TRIM44: variants seen among roughly 807,000 people sequenced by gnomAD.
TRIM44 encodes the protein tripartite motif containing 44, also known as tripartite motif-containing protein 44.
In TRIM44, 13 loss-of-function variants were observed where a neutral mutation model predicts 37.4. That is an observed-to-expected ratio of 0.35 (90% CI 0.23 to 0.55). The LOEUF (loss-of-function observed/expected upper bound fraction) is 0.55, where lower values mean the gene tolerates loss of function less well. TRIM44 is among the 20% of genes least tolerant of loss of function. The pLI is 0.89. For missense variants in TRIM44, 426 were observed against 437.2 expected, an observed-to-expected ratio of 0.97 and a Z score of 0.23; for synonymous variants, 175 against 157.2, an observed-to-expected ratio of 1.11 and a Z score of -0.85.
At chr11:35,757,191 G>A (rs572798089) in intron 4 of TRIM44, among the ~76,000 whole-genome samples, 2 of 152,314 alleles carry the variant, frequency 1.3e-5, no homozygotes, top group East Asian at 3.9e-4. Flanking sequence ...CTTGTTATTG[G>A]TCTATTCAGA....
At chr11:35,788,251 G>A (rs1853155158) in intron 4 of TRIM44, among the ~76,000 whole-genome samples, 1 of 152,154 alleles carries the variant, frequency 6.6e-6, no homozygotes, top group African/African-American at 2.4e-5. Flanking sequence ...GAAAGAGAAA[G>A]GATATGGCTA....
chr11:35,687,627 T>A lies in TRIM44; in HGVS notation c.747+2291T>A, dbSNP rs534313679. Among the ~76,000 whole-genome samples the A allele has an allele frequency of 7.2e-5, 11 of 152,344 alleles. No individual in the cohort carries two copies. The East Asian group carries it at 1.9e-3, about 27-fold the overall frequency. ...AATCACACTGAGTGTTCTCTGTGTA[T>A]GACTATAATACAGGTAAAGTGCTTT... On this transcript the variant is annotated intron_variant, in intron 2 of 4. Coordinates refer to ENST00000299413, the MANE Select transcript of TRIM44 (RefSeq NM_017583.6).
chr11:35,780,308 G>A (rs185435061), intron 4 of TRIM44, among the ~76,000 whole-genome samples: 2 of 152,282 alleles, frequency 1.3e-5, no homozygotes, highest in East Asian at 3.9e-4. Flanking sequence ...GTTAAGAAGA[G>A]AAGAATAAAT....
intron 4 of TRIM44, among the ~76,000 whole-genome samples, chr11:35,765,275 C>T (rs935616808): frequency 2.6e-5 from 4 of 152,162 alleles, no homozygotes; most frequent in African/African-American, 9.7e-5. Flanking sequence ...AGCCAGGGGC[C>T]TTGCTTTCAA....
chr11:35,795,678 AGT>A (rs1402621904), intron 4 of TRIM44, among the ~76,000 whole-genome samples: 33 of 152,076 alleles, frequency 2.2e-4, no homozygotes, highest in Non-Finnish European at 4.7e-4. Flanking sequence ...AGGTGACAAC[AGT>A]GTTAACTCTT....
At chr11:35,717,788 C>A (rs1327254037) in intron 2 of TRIM44, among the ~76,000 whole-genome samples, 1 of 151,878 alleles carries the variant, frequency 6.6e-6, no homozygotes, top group East Asian at 1.9e-4. Context: ...TACCAACCAG[C>A]TGTGTGATCT....
intron 3 of TRIM44, among the ~76,000 whole-genome samples, chr11:35,731,981 G>A (rs1053045702): frequency 6.6e-6 from 1 of 152,082 alleles, no homozygotes. Context: ...ATTTCAGACT[G>A]TCTATAGTGA....
intron 4 of TRIM44, among the ~76,000 whole-genome samples, chr11:35,768,746 C>A (rs11821746): frequency 2.0e-5 from 3 of 152,164 alleles, no homozygotes; most frequent in Non-Finnish European, 4.4e-5. Context: ...ACTAATTAAA[C>A]ACTCAAAAAT....
At chr11:35,696,325 G>T (rs1178003298) in intron 2 of TRIM44, among the ~76,000 whole-genome samples, 4 of 151,130 alleles carry the variant, frequency 2.6e-5, no homozygotes, top group Admixed American at 6.6e-5. Context: ...TGTATTTTTA[G>T]TACAGACGGG....
rs1465794104 is a variant in TRIM44 at position 35,812,747 on chromosome 11, A to C, written c.*6362A>C. On this transcript the variant is annotated 3_prime_UTR_variant, in exon 5 of 5. Coordinates refer to ENST00000299413, the MANE Select transcript of TRIM44 (RefSeq NM_017583.6). The stretch of plus-strand genomic sequence containing the variant: ...CATGTACAGTATGGCCTTGGGGCAA[A>C]GGAGTTTGCCTTTTGCAAAGAAGGT... 6.6e-6 allele frequency: 1 copy of C among 152,228 alleles called. No individual in the cohort carries two copies. Among genetic ancestry groups the C allele is most frequent in the African/African-American group, 2.4e-5 (1 of 41,450 alleles). The allele number at this position is 152,228 out of a possible 1,614,324, so 9.4% of individuals were successfully genotyped here.
intron 2 of TRIM44, among the ~76,000 whole-genome samples, chr11:35,711,071 A>G (rs558855818): frequency 2.4e-4 from 36 of 152,308 alleles, no homozygotes; most frequent in African/African-American, 7.0e-4. Context: ...GCTAATAGCA[A>G]TGGGGTTTCT....
chr11:35,724,898 T>C (rs1852152013), intron 2 of TRIM44, among the ~76,000 whole-genome samples: 1 of 152,210 alleles, frequency 6.6e-6, no homozygotes, highest in Non-Finnish European at 1.5e-5. Flanking sequence ...TTTTAGAGTA[T>C]ATGCCAATTT....
chr11:35,734,537 G>A (rs1852306275), intron 3 of TRIM44, among the ~76,000 whole-genome samples: 1 of 152,132 alleles, frequency 6.6e-6, no homozygotes, highest in African/African-American at 2.4e-5. Context: ...CAACCAGAAT[G>A]TACATTCTCT....
chr11:35,795,408 G>A (rs1325497411), intron 4 of TRIM44, among the ~76,000 whole-genome samples: 2 of 151,996 alleles, frequency 1.3e-5, no homozygotes, highest in East Asian at 3.9e-4. Flanking sequence ...AGCAGGAGAT[G>A]GTGGCAGCAG....
At chr11:35,793,184 AATCT>A (rs1853238258) in intron 4 of TRIM44, among the ~76,000 whole-genome samples, 3 of 150,698 alleles carry the variant, frequency 2.0e-5, no homozygotes, top group Non-Finnish European at 4.4e-5. Context: ...AAAAAAAAGA[AATCT>A]AGCTGTGCGG....
At chr11:35,739,299 A>G (rs1852362757) in intron 4 of TRIM44, among the ~76,000 whole-genome samples, 1 of 152,210 alleles carries the variant, frequency 6.6e-6, no homozygotes, top group Non-Finnish European at 1.5e-5. Flanking sequence ...TTGAGAGATT[A>G]ATTTGCCTTA....
intron 4 of TRIM44, among the ~76,000 whole-genome samples, chr11:35,755,866 C>A (rs1166131621): frequency 6.6e-6 from 1 of 152,112 alleles, no homozygotes; most frequent in African/African-American, 2.4e-5. Flanking sequence ...TGGTCTATAT[C>A]TCTGTTTTGG....
At chr11:35,789,956 A>C (rs1403758371) in intron 4 of TRIM44, among the ~76,000 whole-genome samples, 1 of 152,152 alleles carries the variant, frequency 6.6e-6, no homozygotes, top group Non-Finnish European at 1.5e-5. Context: ...GTTCTTCTTC[A>C]TATAGATGAA....
chr11:35,696,123 A>G (rs1161902339), intron 2 of TRIM44, among the ~76,000 whole-genome samples: 3 of 151,934 alleles, frequency 2.0e-5, no homozygotes, highest in Non-Finnish European at 4.4e-5. Flanking sequence ...ATTTAGCCAA[A>G]ATGATGAGTC....
Sources: gnomAD v4.1 joint callset for allele counts (sites outside exome capture counted in the v4.1 genomes callset) on GRCh38, gnomAD v4.1.1 for gene constraint, MANE v1.5 for transcripts, NCBI Gene and HGNC (gene_info 2026-07-23, HGNC 2026-07-21) for gene names.